The following FBXL7 variants were observed in gnomAD, a reference collection of about 807,000 sequenced individuals.
The protein encoded by FBXL7 is F-box/LRR-repeat protein 7.
A neutral mutation model predicts 38.3 loss-of-function variants in FBXL7; 12 were observed. That is an observed-to-expected ratio of 0.31 (90% CI 0.20 to 0.51). The LOEUF is 0.51. Among genes scored for constraint, FBXL7 ranks in the 20% least tolerant of loss-of-function variants. FBXL7 has a pLI of 0.98. For missense variants in FBXL7, 567 were observed against 676.4 expected, an observed-to-expected ratio of 0.84 and a Z score of 1.79; for synonymous variants, 297 against 300.9, an observed-to-expected ratio of 0.99 and a Z score of 0.13.
chr5:15,563,353 A>G (rs1738471573), intron 1 of FBXL7, among the ~76,000 whole-genome samples: 2 of 152,104 alleles, frequency 1.3e-5, no homozygotes, highest in African/African-American at 4.8e-5. Flanking sequence ...CTGCTATTTA[A>G]ACGTTGACCT....
intron 2 of FBXL7, among the ~76,000 whole-genome samples, chr5:15,645,955 T>A (rs1741517836): frequency 1.3e-5 from 2 of 152,202 alleles, no homozygotes; most frequent in South Asian, 4.1e-4. Flanking sequence ...GCCAGTTGCT[T>A]CATTTGTGTT....
chr5:15,704,642 T>A (rs539519628), intron 2 of FBXL7, among the ~76,000 whole-genome samples: 1 of 152,356 alleles, frequency 6.6e-6, no homozygotes, highest in African/African-American at 2.4e-5. Flanking sequence ...TGTTTCATTC[T>A]TTTGTTGGAG....
chr5:15,729,296 T>A (rs1735510015), intron 2 of FBXL7, among the ~76,000 whole-genome samples: 1 of 152,194 alleles, frequency 6.6e-6, no homozygotes, highest in Non-Finnish European at 1.5e-5. Flanking sequence ...TTGTTCTGGA[T>A]AATTTAGCAT....
chr5:15,736,033 A>G (rs927627613), intron 2 of FBXL7, among the ~76,000 whole-genome samples: 3 of 152,224 alleles, frequency 2.0e-5, no homozygotes, highest in Non-Finnish European at 4.4e-5. Flanking sequence ...TTTTAAATCA[A>G]GGCTTGTTTT....
intron 1 of FBXL7, among the ~76,000 whole-genome samples, chr5:15,609,386 T>G (rs1740145631): frequency 6.6e-6 from 1 of 152,190 alleles, no homozygotes; most frequent in South Asian, 2.1e-4. Flanking sequence ...CCAAAGAATT[T>G]GTGGACATAT....
intron 2 of FBXL7, among the ~76,000 whole-genome samples, chr5:15,891,220 T>A (rs1740889905): frequency 6.6e-6 from 1 of 152,176 alleles, no homozygotes; most frequent in Non-Finnish European, 1.5e-5. Flanking sequence ...TGTTTAAATA[T>A]CTTCAAGTTC....
intron 1 of FBXL7, among the ~76,000 whole-genome samples, chr5:15,562,422 A>C (rs1437791193): frequency 1.3e-5 from 2 of 152,284 alleles, no homozygotes; most frequent in South Asian, 4.1e-4. Context: ...TGGCAAAAAG[A>C]AACCTGTTTA....
At chr5:15,548,512 A>C (rs1737977823) in intron 1 of FBXL7, among the ~76,000 whole-genome samples, 1 of 152,156 alleles carries the variant, frequency 6.6e-6, no homozygotes, top group African/African-American at 2.4e-5. Context: ...ATTTTGCTTA[A>C]CCTCACTGTT....
At chr5:15,753,722 A>G (rs1206067019) in intron 2 of FBXL7, among the ~76,000 whole-genome samples, 1 of 152,202 alleles carries the variant, frequency 6.6e-6, no homozygotes, top group Non-Finnish European at 1.5e-5. Flanking sequence ...GTTGTTTCTT[A>G]GAAGACTTAG....
Position 15,500,788 on chromosome 5 carries a change from G to C in FBXL7, c.37+75G>C, listed in dbSNP as rs78097575. On this transcript the variant is annotated intron_variant, in intron 1 of 3. Coordinates refer to ENST00000504595, the MANE Select transcript of FBXL7 (RefSeq NM_012304.5). ...TTTCCCTCGCCCTCCCGACTGGGAA[G>C]GGAGGTTCTCGCCCGCGGCCGTGAC... 6,895 of 1,556,304 alleles carry C rather than the reference G, an allele frequency of 4.4e-3. 270 individuals are homozygous for C. The African/African-American group carries it at 0.084, about 19-fold the overall frequency.
At chr5:15,604,614 C>T (rs1739942724) in intron 1 of FBXL7, among the ~76,000 whole-genome samples, 1 of 152,164 alleles carries the variant, frequency 6.6e-6, no homozygotes, top group African/African-American at 2.4e-5. Flanking sequence ...CTCGGCCTCC[C>T]AAAGTGCTGG....
rs558804267 is a variant in FBXL7, at chr5:15,903,777, AAAAC to A, written c.128-24107_128-24104del. On this transcript the variant is annotated intron_variant, in intron 2 of 3. Coordinates refer to ENST00000504595, the MANE Select transcript of FBXL7 (RefSeq NM_012304.5). ...AATTTTTATTAAATTAAATTAAATTAAAACAAACAGGTTAGAGGACAGTGCCATT... is the reference window on the plus strand; with the variant it reads ...AATTTTTATTAAATTAAATTAAATTAAAACAGGTTAGAGGACAGTGCCATT... Among the ~76,000 whole-genome samples, 84 of 152,348 alleles carry A rather than the reference AAAAC, an allele frequency of 5.5e-4. 2 individuals are homozygous for A. In the East Asian group the frequency reaches 0.014, roughly 26 times the overall value.
At chr5:15,555,408 G>A (rs992454042) in intron 1 of FBXL7, among the ~76,000 whole-genome samples, 2 of 152,290 alleles carry the variant, frequency 1.3e-5, no homozygotes, top group East Asian at 1.9e-4. Flanking sequence ...GAACAGGTGG[G>A]ATCACTTTGG....
intron 2 of FBXL7, among the ~76,000 whole-genome samples, chr5:15,732,409 A>G (rs1440518487): frequency 6.6e-6 from 1 of 152,252 alleles, no homozygotes; most frequent in Non-Finnish European, 1.5e-5. Context: ...AACATTTAAC[A>G]TAACAGCTAT....
intron 2 of FBXL7, among the ~76,000 whole-genome samples, chr5:15,852,172 G>T (rs1028926324): frequency 6.6e-6 from 1 of 152,062 alleles, no homozygotes; most frequent in Non-Finnish European, 1.5e-5. Context: ...CTCTGGTATT[G>T]GATTGGTTAC....
At chr5:15,594,370 T>C (rs1303194527) in intron 1 of FBXL7, among the ~76,000 whole-genome samples, 1 of 152,258 alleles carries the variant, frequency 6.6e-6, no homozygotes, top group East Asian at 1.9e-4. Flanking sequence ...TGTTCTGATC[T>C]TGGGCGGTCC....
chr5:15,843,560 G>C (rs940092006), intron 2 of FBXL7, among the ~76,000 whole-genome samples: 32 of 152,244 alleles, frequency 2.1e-4, no homozygotes, highest in African/African-American at 7.2e-4. Flanking sequence ...GAACAGTAGT[G>C]TTCAGAAGAC....
chr5:15,792,446 C>T (rs377121186), intron 2 of FBXL7, among the ~76,000 whole-genome samples: 10 of 152,200 alleles, frequency 6.6e-5, no homozygotes, highest in East Asian at 5.8e-4. Flanking sequence ...TCCTGGAAAA[C>T]GTTTGAAAGC....
At position 15,580,196 on chromosome 5, in the gene FBXL7, A is replaced by G. The variant is rs548691292; in HGVS notation, c.38-35787A>G. Among the ~76,000 whole-genome samples, 4 of 152,296 alleles carry G rather than the reference A, an allele frequency of 2.6e-5. No individual in the cohort carries two copies. In the East Asian group the frequency reaches 5.8e-4, roughly 22 times the overall value. ...CTCTCTGCCATGTGAGGATACAGCA[A>G]GAAGATGGGCCTCTGTAAACCAGGA... On this transcript the variant is annotated intron_variant, in intron 1 of 3. Transcript: ENST00000504595.
Sources: allele counts gnomAD v4.1 joint callset (sites outside exome capture counted in the v4.1 genomes callset), GRCh38; gene constraint gnomAD v4.1.1; transcripts MANE v1.5; gene names NCBI Gene and HGNC (gene_info 2026-07-23, HGNC 2026-07-21).